Variants in DEPDC1B observed in about 807,000 individuals in gnomAD.
DEPDC1B encodes the protein DEP domain containing 1B.
DEPDC1B carries 51 observed loss-of-function variants against 66.5 expected under a neutral mutation model. The observed-to-expected ratio is 0.77, with a 90% CI of 0.61 to 0.97. The LOEUF is 0.97. Ranked by LOEUF, DEPDC1B falls within the 50% of genes least tolerant of loss-of-function variation. The probability of loss-of-function intolerance (pLI) is 0.00; values close to 1 mark genes in which losing one functional copy is unlikely to be tolerated. For missense variants in DEPDC1B, 552 were observed against 637.1 expected (o/e 0.87, Z 1.44); for synonymous variants, 226 against 223.6 (o/e 1.01, Z -0.10).
chr5:60,676,308 A>C (rs544849957), intron 2 of DEPDC1B, among the ~76,000 whole-genome samples: 4 of 151,308 alleles, frequency 2.6e-5, no homozygotes, highest in Non-Finnish European at 5.9e-5. Context: ...GTAGCACACC[A>C]ACACGGCACA....
chr5:60,617,833 A>G (rs1348444830), intron 7 of DEPDC1B, among the ~76,000 whole-genome samples: 2 of 152,220 alleles, frequency 1.3e-5, no homozygotes, highest in Non-Finnish European at 2.9e-5. Flanking sequence ...AACAGAATAT[A>G]CATTCTTCTC....
At chr5:60,691,617 AT>A (rs1320144236) in intron 1 of DEPDC1B, among the ~76,000 whole-genome samples, 2 of 152,208 alleles carry the variant, frequency 1.3e-5, no homozygotes, top group African/African-American at 4.8e-5. Flanking sequence ...AACAAAAAAA[AT>A]CAATAAGAAA....
At chr5:60,686,894 A>G (rs1754423358) in intron 2 of DEPDC1B, 68 bp downstream of exon 2, 16 of 1,578,334 alleles carry the variant, frequency 1.0e-5, no homozygotes, top group Non-Finnish European at 1.4e-5. Flanking sequence ...AGGAAGCTTC[A>G]ACAGACTTGG....
intron 9 of DEPDC1B, among the ~76,000 whole-genome samples, chr5:60,600,379 T>C (rs753213738): frequency 6.6e-5 from 10 of 152,188 alleles, no homozygotes; most frequent in Admixed American, 2.6e-4. Flanking sequence ...AGGTTGCAGA[T>C]GAGGATCATA....
intron 1 of DEPDC1B, among the ~76,000 whole-genome samples, chr5:60,697,418 A>C (rs1754682336): frequency 6.6e-6 from 1 of 152,196 alleles, no homozygotes; most frequent in African/African-American, 2.4e-5. Flanking sequence ...GTTTAGAATG[A>C]GCATGATGGG....
At chr5:60,665,768 C>T (rs1480590229) in intron 2 of DEPDC1B, among the ~76,000 whole-genome samples, 2 of 152,218 alleles carry the variant, frequency 1.3e-5, no homozygotes, top group African/African-American at 4.8e-5. Flanking sequence ...GGAAAGGTGA[C>T]TGCACCTACC....
At chr5:60,632,271 G>A (rs892853921) in intron 7 of DEPDC1B, among the ~76,000 whole-genome samples, 9 of 152,152 alleles carry the variant, frequency 5.9e-5, no homozygotes, top group East Asian at 1.9e-4. Context: ...CTCCATGCCC[G>A]TGTCCTGGAA....
At chr5:60,628,467 A>C (rs1476424364) in intron 7 of DEPDC1B, 2 of 152,210 alleles carry the variant, frequency 1.3e-5, no homozygotes, top group African/African-American at 4.8e-5. Flanking sequence ...CAGAAGAGTT[A>C]ATTGTAGTTT....
chr5:60,679,534 T>C (rs1754245525), intron 2 of DEPDC1B, among the ~76,000 whole-genome samples: 1 of 146,862 alleles, frequency 6.8e-6, no homozygotes. Context: ...CACACAGAGG[T>C]AGAAACAAAA....
chr5:60,641,600 A>T (rs1427024470), intron 6 of DEPDC1B, among the ~76,000 whole-genome samples: 1 of 152,158 alleles, frequency 6.6e-6, no homozygotes, highest in Non-Finnish European at 1.5e-5. Flanking sequence ...TGCCGGGATT[A>T]CAGGCGTGAG....
At chr5:60,614,121 G>C (rs1752482849) in intron 7 of DEPDC1B, among the ~76,000 whole-genome samples, 1 of 152,156 alleles carries the variant, frequency 6.6e-6, no homozygotes, top group Non-Finnish European at 1.5e-5. Context: ...GGCAACAGAA[G>C]TCTGAACTTG....
chr5:60,699,885 G>T (rs1754745749), intron 1 of DEPDC1B, among the ~76,000 whole-genome samples, 161 bp downstream of exon 1: 1 of 152,226 alleles, frequency 6.6e-6, no homozygotes, highest in Non-Finnish European at 1.5e-5. Flanking sequence ...TTTCTTTGAG[G>T]CTCGTCCACT....
chr5:60,619,511 C>G (rs993897624), intron 7 of DEPDC1B, among the ~76,000 whole-genome samples: 17 of 152,072 alleles, frequency 1.1e-4, no homozygotes, highest in African/African-American at 4.1e-4. Flanking sequence ...AAACAGAGAG[C>G]CAAATCACGA....
intron 7 of DEPDC1B, among the ~76,000 whole-genome samples, chr5:60,629,003 G>A (rs1752863228): frequency 2.0e-5 from 3 of 152,154 alleles, no homozygotes; most frequent in Admixed American, 2.0e-4. Flanking sequence ...GGATTCCTCA[G>A]GACCCGACTG....
chr5:60,645,826 T>A (rs940343814), intron 3 of DEPDC1B, among the ~76,000 whole-genome samples: 17 of 152,154 alleles, frequency 1.1e-4, no homozygotes, highest in Admixed American at 6.5e-4. Context: ...TAAGACTAGG[T>A]CATGTTATAA....
intron 7 of DEPDC1B, among the ~76,000 whole-genome samples, chr5:60,634,981 C>T (rs1753010246): frequency 6.6e-6 from 1 of 151,468 alleles, no homozygotes; most frequent in Non-Finnish European, 1.5e-5. Flanking sequence ...ATCACTTGAA[C>T]CCAGAAGATG....
intron 1 of DEPDC1B, among the ~76,000 whole-genome samples, chr5:60,691,061 T>TTC (rs1294819976): frequency 1.3e-5 from 2 of 151,682 alleles, no homozygotes; most frequent in East Asian, 3.9e-4. Context: ...TCTACTTTTT[T>TTC]TTTTTTTTTT....
At chr5:60,648,268 A>G (rs1439941575) in intron 2 of DEPDC1B, 1 of 152,128 alleles carries the variant, frequency 6.6e-6, no homozygotes, top group Non-Finnish European at 1.5e-5. Flanking sequence ...TTATCAGCTT[A>G]GAGACTACAC....
chr5:60,638,509 T>C (rs1753112232), intron 7 of DEPDC1B, among the ~76,000 whole-genome samples: 1 of 152,222 alleles, frequency 6.6e-6, no homozygotes, highest in South Asian at 2.1e-4. Flanking sequence ...TACAACATAT[T>C]ATATTCTTTC....
Sources: gnomAD v4.1 joint callset for allele counts (sites outside exome capture counted in the v4.1 genomes callset) on GRCh38, gnomAD v4.1.1 for gene constraint, MANE v1.5 for transcripts, NCBI Gene and HGNC (gene_info 2026-07-23, HGNC 2026-07-21) for gene names.